Variants in SMCP observed in about 807,000 individuals in gnomAD.
SMCP encodes the protein sperm mitochondria associated cysteine rich protein.
For missense variants in SMCP, 137 were observed against 137.1 expected (o/e 1.00, Z 0.01); for synonymous variants, 41 against 46.9 (o/e 0.87, Z 0.51).
chr1:152,879,708 G>A (rs1336273894), intron 1 of SMCP, among the ~76,000 whole-genome samples: 1 of 152,158 alleles, frequency 6.6e-6, no homozygotes, highest in Non-Finnish European at 1.5e-5. Context: ...GGTTGCAGAA[G>A]GACTTGATGT....
At chr1:152,880,354 T>C (rs1025492986) in intron 1 of SMCP, among the ~76,000 whole-genome samples, 2 of 152,172 alleles carry the variant, frequency 1.3e-5, no homozygotes, top group Non-Finnish European at 2.9e-5. Context: ...AAGTGTGTGC[T>C]TGTGTGTGCG....
rs750308095 is a variant in SMCP at position 152,884,434 on chromosome 1, G to GAC, written c.14_15dup (p.Lys6GlnfsTer137). 9 of 1,614,030 alleles carry GAC rather than the reference G, an allele frequency of 5.6e-6. No homozygotes were observed. Among genetic ancestry groups the GAC allele is most frequent in the Non-Finnish European group, 7.6e-6 (9 of 1,180,042 alleles). On this transcript the variant is annotated frameshift_variant, in exon 2 of 2. Transcript: ENST00000368765. LOFTEE classifies it low-confidence loss of function (END_TRUNC). Reference sequence around the variant, plus strand: ...CAAGTGTTCAGAAGATGTGTGACCAGACAAAACACAGTAAATGCTGCCCAG... The same window carrying GAC: ...CAAGTGTTCAGAAGATGTGTGACCAGACACAAAACACAGTAAATGCTGCCCAG...
chr1:152,879,060 A>G (rs931540906), intron 1 of SMCP, among the ~76,000 whole-genome samples: 3 of 152,186 alleles, frequency 2.0e-5, no homozygotes, highest in African/African-American at 7.2e-5. Flanking sequence ...CTCTGTATCA[A>G]TCCTCTCTGA....
intron 1 of SMCP, among the ~76,000 whole-genome samples, chr1:152,879,014 G>T (rs1427444618): frequency 6.6e-6 from 1 of 152,194 alleles, no homozygotes; most frequent in African/African-American, 2.4e-5. Flanking sequence ...GGCAGAGGGA[G>T]AAGGTGCCTT....
chr1:152,881,664 C>T (rs540698561), intron 1 of SMCP, among the ~76,000 whole-genome samples: 10 of 145,498 alleles, frequency 6.9e-5, no homozygotes, highest in South Asian at 6.7e-4. Flanking sequence ...GTCCGCAGTC[C>T]GGCCTGGGCG....
At chr1:152,878,796 T>G (rs1648945571) in intron 1 of SMCP, among the ~76,000 whole-genome samples, 1 of 152,154 alleles carries the variant, frequency 6.6e-6, no homozygotes, top group South Asian at 2.1e-4. Context: ...TTAAGGAAGT[T>G]TTCCTCGAGG....
In SMCP at chr1:152,881,961, A is replaced by T. The variant is rs59649412; in HGVS notation, c.-20-2442A>T. ...TGGGGTAACCCCCAGAAATTATTTT[A>T]TTTTATTTTATTTTACTTTATTTTA... On this transcript the variant is annotated intron_variant, in intron 1 of 1. Transcript: ENST00000368765. Among the ~76,000 whole-genome samples the T allele has an allele frequency of 2.6e-5, 4 of 152,036 alleles. No individual in the cohort carries two copies. In the East Asian group the frequency reaches 7.7e-4, roughly 29 times the overall value.
intron 1 of SMCP, among the ~76,000 whole-genome samples, chr1:152,880,047 G>A (rs1482468115): frequency 1.3e-5 from 2 of 152,112 alleles, no homozygotes; most frequent in Non-Finnish European, 2.9e-5. Flanking sequence ...GACCTTCAGA[G>A]TAGAGAAAGG....
intron 1 of SMCP, among the ~76,000 whole-genome samples, chr1:152,881,827 G>A (rs1649064301): frequency 1.3e-5 from 2 of 152,320 alleles, no homozygotes; most frequent in South Asian, 4.1e-4. Flanking sequence ...AAAGGGGAAG[G>A]ACCTTCTTCA....
chr1:152,882,701 A>G (rs922175252), intron 1 of SMCP, among the ~76,000 whole-genome samples: 7 of 152,196 alleles, frequency 4.6e-5, no homozygotes, highest in African/African-American at 1.7e-4. Context: ...AGATATGGGC[A>G]TGTGTGTGCT....
chr1:152,882,798 C>G (rs1208665294), intron 1 of SMCP, among the ~76,000 whole-genome samples: 1 of 152,220 alleles, frequency 6.6e-6, no homozygotes, highest in Non-Finnish European at 1.5e-5. Context: ...AATCCCAGCA[C>G]TTTGAGAGGC....
intron 1 of SMCP, among the ~76,000 whole-genome samples, chr1:152,883,272 C>T (rs1177667870): frequency 2.6e-5 from 4 of 152,192 alleles, no homozygotes; most frequent in Non-Finnish European, 5.9e-5. Context: ...GGTACAGGCT[C>T]ATTTCCCGTG....
chr1:152,880,643 C>T (rs1214996265), intron 1 of SMCP, among the ~76,000 whole-genome samples: 1 of 152,138 alleles, frequency 6.6e-6, no homozygotes, highest in African/African-American at 2.4e-5. Flanking sequence ...CACCCCCATC[C>T]TTTAGGAGTC....
At chr1:152,881,176 A>G (rs1002654064) in intron 1 of SMCP, among the ~76,000 whole-genome samples, 4 of 151,994 alleles carry the variant, frequency 2.6e-5, no homozygotes, top group African/African-American at 9.7e-5. Context: ...ATCCCCAGAT[A>G]AAAAAGGGTT....
chr1:152,884,751 A>G lies in SMCP; in HGVS notation c.329A>G (p.Asn110Ser). 6.2e-7 allele frequency: 1 copy of G among 1,614,148 alleles called. No homozygotes were observed. Among genetic ancestry groups the G allele is most frequent in the African/African-American group, 1.3e-5 (1 of 75,060 alleles). ...QTQQQPHSPQ[N>S]ESRPSK ...CAGCAGCAGCCCCATAGCCCACAAA[A>G]TGAGTCCAGGCCAAGCAAATGAGAG... Residue 110 changes from asparagine (N) to serine (S), a missense_variant, in exon 2 of 2, where the codon AAT becomes AGT. Coordinates refer to ENST00000368765, the MANE Select transcript of SMCP (RefSeq NM_030663.3).
At chr1:152,883,262 G>A (rs1338477524) in intron 1 of SMCP, among the ~76,000 whole-genome samples, 1 of 152,114 alleles carries the variant, frequency 6.6e-6, no homozygotes, top group African/African-American at 2.4e-5. Flanking sequence ...CCACAGAGGG[G>A]GTACAGGCTC....
intron 1 of SMCP, among the ~76,000 whole-genome samples, chr1:152,880,715 T>A (rs16834732): frequency 0.059 from 8,956 of 152,068 alleles, 859 homozygotes; most frequent in African/African-American, 0.2. Context: ...ATAGGATGAA[T>A]CCAGGAATAA....
At chr1:152,883,215 C>T (rs1245176300) in intron 1 of SMCP, among the ~76,000 whole-genome samples, 3 of 152,220 alleles carry the variant, frequency 2.0e-5, no homozygotes, top group Non-Finnish European at 4.4e-5. Flanking sequence ...AGGCCTGGCA[C>T]CTCCCTGACA....
rs1198973647 is a variant in SMCP, at chr1:152,884,975, G to T, written c.*202G>T. The T allele has an allele frequency of 2.5e-5, 15 of 597,580 alleles. No homozygotes were observed. In the South Asian group the frequency reaches 2.8e-4, roughly 11 times the overall value. The allele number at this position is 597,580 out of a possible 1,614,324, so 37.0% of individuals were successfully genotyped here. A position where few individuals can be genotyped will look rare whatever the true frequency, so the allele number is the denominator to read the frequency against. On this transcript the variant is annotated 3_prime_UTR_variant, in exon 2 of 2. Coordinates refer to ENST00000368765, the MANE Select transcript of SMCP (RefSeq NM_030663.3). ...GGCCTCCATCTGGAAATGGGAGGAT[G>T]AAGAGGCTAGAATCATCTTTCCTAG...
Sources: gnomAD v4.1 joint callset for allele counts (sites outside exome capture counted in the v4.1 genomes callset) on GRCh38, gnomAD v4.1.1 for gene constraint, MANE v1.5 for transcripts, NCBI Gene and HGNC (gene_info 2026-07-23, HGNC 2026-07-21) for gene names.